Variants in SERPINB8 observed in about 807,000 individuals in gnomAD.
SERPINB8 encodes the protein serpin family B member 8, also known as serpin B8.
Under a neutral mutation model 35.3 loss-of-function variants are expected in SERPINB8, and 25 were observed. The observed-to-expected ratio is 0.71, with a 90% CI of 0.52 to 0.99. The LOEUF is 0.99. Among genes scored for constraint, SERPINB8 ranks in the 50% least tolerant of loss-of-function variants. SERPINB8 has a pLI of 0.00. For missense variants in SERPINB8, 484 were observed against 446.5 expected (o/e 1.08, Z -0.76); for synonymous variants, 186 against 160.8 (o/e 1.16, Z -1.19).
At chr18:64,004,556 A>G (rs2050890997) in intron 1 of SERPINB8, among the ~76,000 whole-genome samples, 1 of 152,212 alleles carries the variant, frequency 6.6e-6, no homozygotes, top group African/African-American at 2.4e-5. Flanking sequence ...TAACATTTAA[A>G]AGATTATGAT....
intron 1 of SERPINB8, among the ~76,000 whole-genome samples, chr18:63,973,048 T>C (rs2050517638): frequency 6.6e-6 from 1 of 152,340 alleles, no homozygotes; most frequent in Non-Finnish European, 1.5e-5. Flanking sequence ...TAGTTCTAGA[T>C]CCTTGAGGAA....
At position 63,985,210 on chromosome 18, in the gene SERPINB8, A is replaced by G. The variant is rs376344450; in HGVS notation, c.685A>G (p.Ile229Val). ...PYVEEELSMV[I>V]LLPDDNTDLA... ...TGTGGAAGAGGAGCTGAGCATGGTCATTCTGCTTCCCGATGACAACACGGA... is the reference window on the plus strand; with the variant it reads ...TGTGGAAGAGGAGCTGAGCATGGTCGTTCTGCTTCCCGATGACAACACGGA... Residue 229 changes from isoleucine to valine, a missense_variant, in exon 6 of 7, where the codon ATT (isoleucine) becomes GTT (valine). Transcript: ENST00000397985. 5 of 1,614,220 alleles carry G rather than the reference A, an allele frequency of 3.1e-6. No individual in the cohort carries two copies. In the East Asian group the frequency reaches 6.7e-5, roughly 22 times the overall value.
intron 1 of SERPINB8, among the ~76,000 whole-genome samples, chr18:64,003,580 C>T (rs908781708): frequency 1.3e-5 from 2 of 151,326 alleles, no homozygotes. Context: ...GAAATTGGCT[C>T]ATGCAATTAC....
intron 1 of SERPINB8, among the ~76,000 whole-genome samples, chr18:63,974,497 G>A (rs2050549900): frequency 6.6e-6 from 1 of 152,174 alleles, no homozygotes; most frequent in South Asian, 2.1e-4. Flanking sequence ...TTTTCTGTGA[G>A]TCCTGTGGAC....
downstream of SERPINB8, among the ~76,000 whole-genome samples, chr18:64,008,336 A>T (rs950318947): frequency 3.3e-5 from 5 of 152,020 alleles, no homozygotes; most frequent in African/African-American, 1.2e-4. Flanking sequence ...TCCACCTCCC[A>T]GGTTCAAGTG....
chr18:63,972,758 T>G (rs1249775500), intron 1 of SERPINB8, among the ~76,000 whole-genome samples: 1 of 151,982 alleles, frequency 6.6e-6, no homozygotes, highest in African/African-American at 2.4e-5. Context: ...TCTGTCTTTG[T>G]GGTAGTTTGC....
chr18:63,992,981 C>T (rs1008688969), downstream of SERPINB8, among the ~76,000 whole-genome samples: 8 of 152,198 alleles, frequency 5.3e-5, no homozygotes, highest in African/African-American at 1.9e-4. Flanking sequence ...TGATGACCCT[C>T]AGCAAACCTC....
At chr18:63,995,470 GCTCTGT>G (rs1288576095) in intron 1 of SERPINB8, among the ~76,000 whole-genome samples, 5 of 152,330 alleles carry the variant, frequency 3.3e-5, no homozygotes, top group Non-Finnish European at 7.3e-5. Flanking sequence ...ACCACCACCT[GCTCTGT>G]CTCTGGGAAG....
At chr18:63,981,198 G>T (rs1415799909) in intron 3 of SERPINB8, among the ~76,000 whole-genome samples, 3 of 152,196 alleles carry the variant, frequency 2.0e-5, no homozygotes, top group Non-Finnish European at 4.4e-5. Flanking sequence ...TTCCCATGGG[G>T]CCTTCCTTGC....
rs747873693 is a variant in SERPINB8 at position 63,986,994 on chromosome 18, C to T, written c.841C>T (p.Pro281Ser). 6.2e-7 allele frequency: 1 copy of T among 1,614,182 alleles called. No individual in the cohort carries two copies. The highest frequency in any genetic ancestry group is 1.7e-5 in the Admixed American group (1 of 60,024). Residue 281 changes from proline to serine, a missense_variant, in exon 7 of 7, where the codon CCT becomes TCT. Coordinates refer to ENST00000397985, the MANE Select transcript of SERPINB8 (RefSeq NM_002640.4). Reference protein sequence around the residue: ...LKLEESYDLEPFLRRLGMIDA... With the variant: ...LKLEESYDLESFLRRLGMIDA... Reference sequence around the variant, plus strand: ...GCTGGAGGAGAGTTATGACTTGGAGCCTTTCCTTCGAAGATTAGGAATGAT... The same window carrying T: ...GCTGGAGGAGAGTTATGACTTGGAGTCTTTCCTTCGAAGATTAGGAATGAT...
At chr18:63,976,375 AG>A (rs1214735358) in intron 1 of SERPINB8, among the ~76,000 whole-genome samples, 2 of 152,208 alleles carry the variant, frequency 1.3e-5, no homozygotes, top group Non-Finnish European at 2.9e-5. Flanking sequence ...TTATAATAAT[AG>A]TAAACTGTAA....
At chr18:63,996,375 G>T (rs750512157) in intron 1 of SERPINB8, among the ~76,000 whole-genome samples, 2 of 152,152 alleles carry the variant, frequency 1.3e-5, no homozygotes, top group Non-Finnish European at 2.9e-5. Flanking sequence ...GGCAGTATCT[G>T]ACATTTTGAT....
chr18:63,980,016 C>T (rs2050646357), intron 3 of SERPINB8, 78 bp downstream of exon 3: 8 of 1,412,428 alleles, frequency 5.7e-6, no homozygotes, highest in South Asian at 2.4e-5. Context: ...TAAAGTATAA[C>T]TGTACTGACT....
rs2050889414 is a variant in SERPINB8, at chr18:64,004,180, A to G, written c.71-639A>G. Among the ~76,000 whole-genome samples, 3 of 152,220 alleles carry G rather than the reference A, an allele frequency of 2.0e-5. No individual in the cohort carries two copies. The South Asian group carries it at 6.2e-4, about 32-fold the overall frequency. ...TTGGAGACCGGAAGACAATAGTGGT[A>G]ATTTTAAAGTGTTTTTCTCAACAGA... On this transcript the variant is annotated intron_variant, in intron 1 of 1. Transcript: ENST00000493661.
At chr18:63,979,186 G>A (rs2050630421) in intron 2 of SERPINB8, among the ~76,000 whole-genome samples, 2 of 152,322 alleles carry the variant, frequency 1.3e-5, no homozygotes, top group South Asian at 4.1e-4. Flanking sequence ...ACTGATTGGA[G>A]GAGTGAGGCT....
Position 63,979,910 on chromosome 18 carries a change from T to C in SERPINB8, c.278T>C (p.Phe93Ser). Residue 93 changes from phenylalanine (F) to serine (S), a missense_variant, in exon 3 of 7, where the codon TTT (phenylalanine) becomes TCT (serine). By Grantham distance (155) the Phe-to-Ser change is radical (BLOSUM62 -2). Coordinates refer to ENST00000397985, the MANE Select transcript of SERPINB8 (RefSeq NM_002640.4). ...QYLLRTANRL[F>S]GEKTCDFLPD... Reference sequence around the variant, plus strand: ...TTGCTTAGAACTGCCAACAGACTCTTTGGAGAAAAGACGTGTGATTTCCTT... The same window carrying C: ...TTGCTTAGAACTGCCAACAGACTCTCTGGAGAAAAGACGTGTGATTTCCTT... 6.2e-7 allele frequency: 1 copy of C among 1,614,148 alleles called. No individual in the cohort carries two copies. Among genetic ancestry groups the C allele is most frequent in the Admixed American group, 1.7e-5 (1 of 60,016 alleles).
chr18:64,009,879 A>G (rs2050917921), downstream of SERPINB8, among the ~76,000 whole-genome samples: 1 of 152,198 alleles, frequency 6.6e-6, no homozygotes, highest in Non-Finnish European at 1.5e-5. Context: ...AGTGAAGTGA[A>G]GGATTTTTGT....
chr18:63,981,723 C>T lies in SERPINB8; in HGVS notation c.309C>T (p.Asp103=). 6.2e-7 allele frequency: 1 copy of T among 1,607,206 alleles called. No individual in the cohort carries two copies. Among genetic ancestry groups the T allele is most frequent in the South Asian group, 1.1e-5 (1 of 90,642 alleles). The change falls in exon 4 of 7, where the codon GAC becomes GAT. Residue 103 remains aspartate, a splice_region_variant and synonymous_variant. Transcript: ENST00000397985. ...FGEKTCDFLP[D]FKEYCQKFYQ... ...AACTCAGTGTTTTGTGTTTGCAGGACTTTAAAGAATACTGTCAGAAGTTCT... is the reference window on the plus strand; with the variant it reads ...AACTCAGTGTTTTGTGTTTGCAGGATTTTAAAGAATACTGTCAGAAGTTCT...
At chr18:64,011,617 G>C (rs1425536311) in intron 7 of SERPINB8, among the ~76,000 whole-genome samples, 1 of 152,068 alleles carries the variant, frequency 6.6e-6, no homozygotes, top group Non-Finnish European at 1.5e-5. Flanking sequence ...AGTTCATGTT[G>C]GTGCTGTATT....
Sources: allele counts gnomAD v4.1 joint callset (sites outside exome capture counted in the v4.1 genomes callset), GRCh38; gene constraint gnomAD v4.1.1; transcripts MANE v1.5; gene names NCBI Gene and HGNC (gene_info 2026-07-23, HGNC 2026-07-21).